Variants in NUF2 observed in about 807,000 individuals in gnomAD.
NUF2 encodes NUF2 component of NDC80 kinetochore complex, also known as kinetochore protein Nuf2.
Under a neutral mutation model 61.8 loss-of-function variants are expected in NUF2, and 34 were observed. That is an observed-to-expected ratio of 0.55 (90% CI 0.42 to 0.73). NUF2 has a LOEUF of 0.73. Ranked by LOEUF, NUF2 falls within the 30% of genes least tolerant of loss-of-function variation. The pLI is 0.00. For synonymous variants in NUF2, 172 were observed against 181.6 expected (o/e 0.95, Z 0.42); for missense variants, 445 against 539.1 (o/e 0.83, Z 1.73).
At chr1:163,340,095 A>G (rs1650889835) in intron 8 of NUF2, among the ~76,000 whole-genome samples, 1 of 152,202 alleles carries the variant, frequency 6.6e-6, no homozygotes, top group Non-Finnish European at 1.5e-5. Context: ...AACAAAATAA[A>G]AATTTTTTCT....
chr1:163,330,027 G>A (rs1265495905), intron 5 of NUF2, among the ~76,000 whole-genome samples: 1 of 152,178 alleles, frequency 6.6e-6, no homozygotes, highest in African/African-American at 2.4e-5. Flanking sequence ...GAAACCACTG[G>A]TTAGGGGTGA....
intron 13 of NUF2, among the ~76,000 whole-genome samples, chr1:163,353,447 A>C (rs985272947): frequency 2.0e-5 from 3 of 152,244 alleles, no homozygotes; most frequent in Non-Finnish European, 4.4e-5. Flanking sequence ...CAGTAGGCAC[A>C]TGTGGCTATT....
intron 5 of NUF2, 125 bp from the exon 6 acceptor site, chr1:163,336,622 CTTTG>C (rs1158228261): frequency 6.6e-5 from 32 of 487,392 alleles, no homozygotes; most frequent in Non-Finnish European, 1.1e-4. Flanking sequence ...ATTTTCTACA[CTTTG>C]TTATATCCTA....
At position 163,338,054 on chromosome 1, in the gene NUF2, C is replaced by T. The variant is rs1182325171; in HGVS notation, c.470C>T (p.Ala157Val). 2 of 1,612,938 alleles carry T rather than the reference C, an allele frequency of 1.2e-6. No homozygotes were observed. The highest frequency in any genetic ancestry group is 2.2e-5 in the South Asian group (2 of 91,008). ...GCGGACAAAATGCAACAGTTAAACG[C>T]CGCACACCAGGAGGCATTAATGAAA... ...SSADKMQQLN[A>V]AHQEALMKLE... The change falls in exon 7 of 14, where the codon GCC becomes GTC. Residue 157 changes from alanine (A) to valine (V), a missense_variant. By Grantham distance (64) the Ala-to-Val change is moderately conservative (BLOSUM62 0). Transcript: ENST00000271452.
At chr1:163,343,712 A>G (rs758579029) in intron 9 of NUF2, 21 bp from the exon 10 acceptor site, 1 of 1,218,452 alleles carries the variant, frequency 8.2e-7, no homozygotes, top group Non-Finnish European at 1.1e-6. Context: ...TATCTAATAT[A>G]TAAAAATGTT....
chr1:163,333,867 C>T (rs11577802), intron 5 of NUF2, among the ~76,000 whole-genome samples: 14,331 of 152,176 alleles, frequency 0.094, 945 homozygotes, highest in South Asian at 0.21. Flanking sequence ...ACATTTCTTA[C>T]ATACATATAT....
intron 13 of NUF2, among the ~76,000 whole-genome samples, chr1:163,352,204 A>T (rs1207757929): frequency 1.3e-5 from 2 of 152,192 alleles, no homozygotes; most frequent in Non-Finnish European, 2.9e-5. Flanking sequence ...TTGCTTTTAC[A>T]TGGTGGTACT....
Position 163,343,760 on chromosome 1 carries a change from T to C in NUF2, c.697T>C (p.Leu233=), listed in dbSNP as rs1651024192. The C allele has an allele frequency of 7.0e-7, 1 of 1,422,836 alleles. No homozygotes were observed. The highest frequency in any genetic ancestry group is 1.5e-5 in the South Asian group (1 of 65,020). The allele number at this position is 1,422,836 out of a possible 1,614,324, so 88.1% of individuals were successfully genotyped here. A position where few individuals can be genotyped will look rare whatever the true frequency, so the allele number is the denominator to read the frequency against. Residue 233 remains leucine, a synonymous_variant, in exon 10 of 14, where the codon TTG becomes CTG. Transcript: ENST00000271452. ...LNELKLSVVS[L]KEIQESLKTK... ...TGAACTAAAATTGTCGGTGGTTTCTTTGAAAGAAATACAAGAGAGTTTGAA... is the reference window on the plus strand; with the variant it reads ...TGAACTAAAATTGTCGGTGGTTTCTCTGAAAGAAATACAAGAGAGTTTGAA...
intron 5 of NUF2, among the ~76,000 whole-genome samples, chr1:163,334,638 A>T (rs1301595840): frequency 2.0e-5 from 3 of 152,084 alleles, no homozygotes; most frequent in African/African-American, 7.2e-5. Flanking sequence ...AATGAGCCAG[A>T]TGTGGTGATG....
At position 163,336,815 on chromosome 1, in the gene NUF2, C is replaced by T; in HGVS notation, c.402C>T (p.Cys134=). 1 of 1,612,132 alleles carries T rather than the reference C, an allele frequency of 6.2e-7. No individual in the cohort carries two copies. The highest frequency in any genetic ancestry group is 8.5e-7 in the Non-Finnish European group (1 of 1,178,572). ...IINFIHFREA[C]RETYMEFLWQ... is the part of the protein sequence containing the mutation. ...ACTTTATTCACTTCAGAGAAGCATG[C>T]CGTGAAACGTATATGGAATTTCTTT... Residue 134 remains cysteine, a synonymous_variant, in exon 6 of 14, where the codon TGC becomes TGT. Coordinates refer to ENST00000271452, the MANE Select transcript of NUF2 (RefSeq NM_145697.3).
intron 9 of NUF2, among the ~76,000 whole-genome samples, chr1:163,341,504 G>A (rs1650945494): frequency 6.6e-6 from 1 of 151,852 alleles, no homozygotes; most frequent in Admixed American, 6.6e-5. Flanking sequence ...GACCACACCA[G>A]GCCAAAAAAA....
In NUF2 at chr1:163,344,661, A is replaced by G. The variant is rs115889383; in HGVS notation, c.807+791A>G. Among the ~76,000 whole-genome samples the G allele has an allele frequency of 2.7e-3, 193 of 70,562 alleles. 3 individuals are homozygous for G. The highest frequency in any genetic ancestry group is 7.7e-3 in the African/African-American group (177 of 22,940). The allele number at this position is 70,562 out of a possible 152,430, so 46.3% of individuals were successfully genotyped here. A position where few individuals can be genotyped will look rare whatever the true frequency, so the allele number is the denominator to read the frequency against. ...AAACTTAGAAGTGGGTAGACAATTTACCATCTTTTGTGAAGCAATGTTTTT... is the reference window on the plus strand; with the variant it reads ...AAACTTAGAAGTGGGTAGACAATTTGCCATCTTTTGTGAAGCAATGTTTTT... On this transcript the variant is annotated intron_variant, in intron 10 of 13. Coordinates refer to ENST00000271452, the MANE Select transcript of NUF2 (RefSeq NM_145697.3).
At chr1:163,328,337 A>T (rs1210960803) in intron 4 of NUF2, 33 bp downstream of exon 4, 2 of 1,319,698 alleles carry the variant, frequency 1.5e-6, no homozygotes, top group Middle Eastern at 3.8e-4. Context: ...GTCTTCGTCT[A>T]CATTCGTATT....
chr1:163,352,292 A>G (rs977164158), intron 13 of NUF2, among the ~76,000 whole-genome samples: 10 of 152,236 alleles, frequency 6.6e-5, no homozygotes, highest in Admixed American at 3.3e-4. Flanking sequence ...TGTAGTAGTC[A>G]TGGATTGCAG....
At chr1:163,332,300 T>C (rs1254008124) in intron 5 of NUF2, among the ~76,000 whole-genome samples, 1 of 152,188 alleles carries the variant, frequency 6.6e-6, no homozygotes, top group African/African-American at 2.4e-5. Context: ...ATTTTTTCTG[T>C]TACTGATTTG....
chr1:163,344,125 G>A (rs527789309), intron 10 of NUF2, among the ~76,000 whole-genome samples: 1 of 152,132 alleles, frequency 6.6e-6, no homozygotes, highest in African/African-American at 2.4e-5. Context: ...CAGAAATGCT[G>A]GGTGGTGAGA....
intron 6 of NUF2, 126 bp downstream of exon 6, chr1:163,336,974 TTTTATA>T (rs1408485786): frequency 4.9e-6 from 3 of 606,576 alleles, no homozygotes; most frequent in Admixed American, 3.0e-5. Flanking sequence ...TTGAACTCAT[TTTTATA>T]TTTATATTAA....
At chr1:163,341,462 C>T (rs1011039846) in intron 9 of NUF2, among the ~76,000 whole-genome samples, 12 of 152,098 alleles carry the variant, frequency 7.9e-5, no homozygotes, top group Non-Finnish European at 1.3e-4. Flanking sequence ...CCCGCCTTGG[C>T]CTCTCAAAGT....
Position 163,338,060 on chromosome 1 carries a change from A to G in NUF2, c.476A>G (p.His159Arg). The change falls in exon 7 of 14, where the codon CAC (histidine) becomes CGC (arginine). Residue 159 changes from histidine (H) to arginine (R), a missense_variant. Physicochemically the swap from His to Arg is conservative, Grantham distance 29. Transcript: ENST00000271452. The stretch of plus-strand genomic sequence containing the variant: ...AAAATGCAACAGTTAAACGCCGCAC[A>G]CCAGGAGGCATTAATGAAACTGGAG... ...ADKMQQLNAA[H>R]QEALMKLERL... The G allele has an allele frequency of 1.9e-6, 3 of 1,613,228 alleles. No individual in the cohort carries two copies. Among genetic ancestry groups the G allele is most frequent in the Non-Finnish European group, 1.7e-6 (2 of 1,179,300 alleles).
Sources: allele counts gnomAD v4.1 joint callset (sites outside exome capture counted in the v4.1 genomes callset), GRCh38; gene constraint gnomAD v4.1.1; transcripts MANE v1.5; gene names NCBI Gene and HGNC (gene_info 2026-07-23, HGNC 2026-07-21).